OVCH1: variants seen among roughly 807,000 people sequenced by gnomAD.
The protein encoded by OVCH1 is ovochymase-1.
Under a neutral mutation model 138.4 loss-of-function variants are expected in OVCH1, and 139 were observed. The ratio of observed to expected loss-of-function variants is 1.00; its 90% CI spans 0.87 to 1.16. The LOEUF (loss-of-function observed/expected upper bound fraction) is 1.16, where lower values mean the gene tolerates loss of function less well. Among genes scored for constraint, OVCH1 ranks in the 50% most tolerant of loss-of-function variants. OVCH1 has a pLI of 0.00. For missense variants in OVCH1, 1,367 were observed against 1,357.9 expected (o/e 1.01, Z -0.11); for synonymous variants, 453 against 467.8 (o/e 0.97, Z 0.41).
At position 29,489,553 on chromosome 12, in the gene OVCH1, G is replaced by C. The variant is rs1405015329; in HGVS notation, c.702+67C>G. On this transcript the variant is annotated intron_variant, in intron 6 of 27. Transcript: ENST00000318184. ...AATAGAAGAAACATGAGCTTCTTTT[G>C]GGGAAAGGCAGAATCTACTTTCACC... is the stretch of plus-strand genomic sequence containing the variant. The C allele has an allele frequency of 2.7e-6, 4 of 1,462,808 alleles. No individual in the cohort carries two copies. In the East Asian group the frequency reaches 9.9e-5, roughly 36 times the overall value. The allele number at this position is 1,462,808 out of a possible 1,614,324, so 90.6% of individuals were successfully genotyped here.
At chr12:29,440,594 C>T in intron 25 of OVCH1, 1 of 359,516 alleles carries the variant, frequency 2.8e-6, no homozygotes, top group Non-Finnish European at 5.4e-6. Context: ...CCTCATGAGG[C>T]AGTGCATGGT....
At chr12:29,455,934 G>A (rs1010446539) in intron 19 of OVCH1, among the ~76,000 whole-genome samples, 1 of 152,120 alleles carries the variant, frequency 6.6e-6, no homozygotes. Context: ...AATCTAATCA[G>A]ATCAAAGAGT....
At chr12:29,462,238 C>T (rs1286162266) in intron 18 of OVCH1, among the ~76,000 whole-genome samples, 1 of 152,022 alleles carries the variant, frequency 6.6e-6, no homozygotes, top group Non-Finnish European at 1.5e-5. Context: ...GAGAATAAAA[C>T]CAGAAACACT....
At chr12:29,451,184 A>AATG (rs1352941901) in intron 22 of OVCH1, among the ~76,000 whole-genome samples, 161 bp downstream of exon 22, 2 of 151,868 alleles carry the variant, frequency 1.3e-5, no homozygotes, top group African/African-American at 2.4e-5. Flanking sequence ...TAATAATAAT[A>AATG]ATAAAGAAAA....
chr12:29,417,642 A>G (rs1013685983), intron 3 of OVCH1, among the ~76,000 whole-genome samples: 4 of 152,070 alleles, frequency 2.6e-5, no homozygotes, highest in Admixed American at 2.6e-4. Flanking sequence ...AATTATTTCA[A>G]TATAAGTTTA....
intron 27 of OVCH1, chr12:29,427,776 G>A: frequency 2.3e-6 from 3 of 1,291,908 alleles, no homozygotes; most frequent in Non-Finnish European, 3.1e-6. Context: ...ATATTCATTA[G>A]GTCCAAAATC....
intron 3 of OVCH1, among the ~76,000 whole-genome samples, chr12:29,420,935 A>G (rs542977510): frequency 4.6e-5 from 7 of 152,378 alleles, no homozygotes; most frequent in South Asian, 4.1e-4. Flanking sequence ...GCGGGAGCAT[A>G]AACTTTAATG....
intron 16 of OVCH1, among the ~76,000 whole-genome samples, chr12:29,469,294 T>C (rs1378504500): frequency 1.3e-5 from 2 of 152,008 alleles, no homozygotes; most frequent in Non-Finnish European, 2.9e-5. Flanking sequence ...TGGTCTTTCT[T>C]CCCCAAATCC....
intron 12 of OVCH1, among the ~76,000 whole-genome samples, chr12:29,476,575 T>C (rs930013919): frequency 6.6e-5 from 10 of 152,158 alleles, no homozygotes; most frequent in African/African-American, 2.4e-4. Context: ...ATGGCTGGCA[T>C]GACCAAAGAC....
intron 3 of OVCH1, among the ~76,000 whole-genome samples, chr12:29,417,777 G>A (rs3915392): frequency 7.8e-5 from 7 of 89,584 alleles, no homozygotes; most frequent in Non-Finnish European, 1.5e-4. Flanking sequence ...GTGTGTGTGT[G>A]TGTGTGTGTG....
At chr12:29,482,604 T>C (rs183527883) in intron 8 of OVCH1, among the ~76,000 whole-genome samples, 3 of 152,342 alleles carry the variant, frequency 2.0e-5, no homozygotes, top group East Asian at 1.9e-4. Flanking sequence ...GAGGGTTCAA[T>C]AGAAATTTGT....
chr12:29,455,185 A>G, intron 20 of OVCH1, 64 bp downstream of exon 20: 1 of 1,532,816 alleles, frequency 6.5e-7, no homozygotes. Flanking sequence ...TACCACACTC[A>G]CTGTTCCCAA....
chr12:29,457,001 A>T (rs1330066722), intron 19 of OVCH1, among the ~76,000 whole-genome samples: 1 of 152,236 alleles, frequency 6.6e-6, no homozygotes, highest in Non-Finnish European at 1.5e-5. Flanking sequence ...TACATATTTG[A>T]TAGCACATAA....
chr12:29,452,800 T>C (rs973980674), intron 21 of OVCH1, among the ~76,000 whole-genome samples: 5 of 152,162 alleles, frequency 3.3e-5, no homozygotes, highest in Non-Finnish European at 5.9e-5. Context: ...AATTCCCTAG[T>C]GTAAAAAGTT....
At chr12:29,429,414 A>C (rs1045097385) in intron 27 of OVCH1, among the ~76,000 whole-genome samples, 4 of 152,208 alleles carry the variant, frequency 2.6e-5, no homozygotes, top group Non-Finnish European at 5.9e-5. Flanking sequence ...CTAATGAAGG[A>C]TCTGATGAGA....
downstream of OVCH1, among the ~76,000 whole-genome samples, chr12:29,409,722 T>G (rs141125002): frequency 2.5e-4 from 38 of 152,348 alleles, no homozygotes; most frequent in African/African-American, 8.9e-4. Flanking sequence ...AGAGCTTTAC[T>G]TCCAATTATG....
At position 29,454,507 on chromosome 12, in the gene OVCH1, A is replaced by G. The variant is rs192664361; in HGVS notation, c.2530+334T>C. ...CTGGCGCTAGTCTTGGTCATCTCAT[A>G]CCCAGGGTCTTTACCTAGGCAAGAT... On this transcript the variant is annotated intron_variant, in intron 21 of 27. Transcript: ENST00000318184. Among the ~76,000 whole-genome samples, 126 of 152,298 alleles carry G rather than the reference A, an allele frequency of 8.3e-4. 1 individual carries two copies. Among genetic ancestry groups the G allele is most frequent in the Non-Finnish European group, 9.1e-4 (62 of 68,018 alleles).
intron 8 of OVCH1, among the ~76,000 whole-genome samples, chr12:29,479,435 T>G (rs1156513337): frequency 6.6e-6 from 1 of 152,180 alleles, no homozygotes; most frequent in Non-Finnish European, 1.5e-5. Context: ...CCCAGTAAGG[T>G]CAGCTGTGAC....
intron 3 of OVCH1, among the ~76,000 whole-genome samples, chr12:29,416,651 A>G (rs1187304317): frequency 2.0e-5 from 3 of 152,346 alleles, no homozygotes; most frequent in Non-Finnish European, 4.4e-5. Flanking sequence ...AAGAATGACA[A>G]TGGCAAATGC....
Sources: allele counts gnomAD v4.1 joint callset (sites outside exome capture counted in the v4.1 genomes callset), GRCh38; gene constraint gnomAD v4.1.1; transcripts MANE v1.5; gene names NCBI Gene and HGNC (gene_info 2026-07-23, HGNC 2026-07-21).